The following APPL2 variants were observed in gnomAD, a reference collection of about 807,000 sequenced individuals.
APPL2 encodes the protein adaptor protein, phosphotyrosine interacting with PH domain and leucine zipper 2.
A neutral mutation model predicts 92.7 loss-of-function variants in APPL2; 84 were observed. The observed-to-expected ratio is 0.91, with a 90% CI of 0.76 to 1.09. The LOEUF (loss-of-function observed/expected upper bound fraction) is 1.09. Among genes scored for constraint, APPL2 ranks in the 50% least tolerant of loss-of-function variants. The pLI, the probability that APPL2 is intolerant of heterozygous loss-of-function variation, is 0.00. For missense variants in APPL2, 736 were observed against 824.5 expected (o/e 0.89, Z 1.31); for synonymous variants, 291 against 291.0 (o/e 1.00, Z 0.00).
At position 105,190,011 on chromosome 12, in the gene APPL2, A is replaced by G. The variant is rs1887060419; in HGVS notation, c.1386T>C (p.Leu462=). ...CATACCTGCTCCCTCTGTTCTGATC[A>G]AGGAATTCTGTAGCAGGAAGCACAA... ...FDIVLPATEF[L]DQNRGSRRTN... is the part of the protein sequence containing the mutation. The change falls in exon 15 of 21, where the codon CTT becomes CTC. Residue 462 remains leucine (L), a synonymous_variant. Coordinates refer to ENST00000258530, the MANE Select transcript of APPL2 (RefSeq NM_018171.5). 4 of 1,614,042 alleles carry G rather than the reference A, an allele frequency of 2.5e-6. No individual in the cohort carries two copies.
intron 19 of APPL2, 172 bp from the exon 20 acceptor site, chr12:105,176,254 T>C (rs993154796): frequency 1.7e-6 from 1 of 587,318 alleles, no homozygotes; most frequent in African/African-American, 2.0e-5. Context: ...TGCGTCCAAC[T>C]GTCCTGACCT....
intron 7 of APPL2, among the ~76,000 whole-genome samples, chr12:105,207,409 C>G (rs1209725113): frequency 6.6e-6 from 1 of 152,166 alleles, no homozygotes; most frequent in Non-Finnish European, 1.5e-5. Flanking sequence ...GCTTGTGAGG[C>G]CGCGGTGAGG....
At chr12:105,210,206 C>T (rs1046748963) in intron 5 of APPL2, among the ~76,000 whole-genome samples, 2 of 152,040 alleles carry the variant, frequency 1.3e-5, no homozygotes, top group African/African-American at 2.4e-5. Flanking sequence ...GTGATCCGCC[C>T]GCCTCAGCCT....
chr12:105,203,461 G>C (rs75496623), intron 9 of APPL2: 10,419 of 483,048 alleles, frequency 0.022, 908 homozygotes, highest in African/African-American at 0.19. Context: ...GGGTTCCCAG[G>C]CTTGTGACAT....
chr12:105,219,397 A>G (rs1889931461), intron 2 of APPL2, among the ~76,000 whole-genome samples: 1 of 152,178 alleles, frequency 6.6e-6, no homozygotes, highest in African/African-American at 2.4e-5. Context: ...CTGACATCCT[A>G]CTGGTATTCA....
At position 105,176,089 on chromosome 12, in the gene APPL2, A is replaced by G. The variant is rs1885517437; in HGVS notation, c.1813-7T>C. On this transcript the variant is annotated splice_region_variant and splice_polypyrimidine_tract_variant and intron_variant, in intron 19 of 20. Transcript: ENST00000258530. ...AATTAATAGCATAACATATCTGCAA[A>G]AGACAAGAAAAGTAGTGATTGGCAA... is the stretch of plus-strand genomic sequence containing the variant. The G allele has an allele frequency of 6.3e-7, 1 of 1,589,946 alleles. No individual in the cohort carries two copies. Among genetic ancestry groups the G allele is most frequent in the African/African-American group, 1.4e-5 (1 of 73,420 alleles).
chr12:105,185,097 G>GC (rs1241415912), intron 17 of APPL2, among the ~76,000 whole-genome samples: 1 of 152,090 alleles, frequency 6.6e-6, no homozygotes, highest in African/African-American at 2.4e-5. Flanking sequence ...AATGGCGGAT[G>GC]CCCCTCCCCC....
In APPL2 at chr12:105,190,040, CGAATT is replaced by C; in HGVS notation, c.1352_1356del (p.Gln451ArgfsTer11). 1 of 1,614,184 alleles carries C rather than the reference CGAATT, an allele frequency of 6.2e-7. No individual in the cohort carries two copies. The highest frequency in any genetic ancestry group is 8.5e-7 in the Non-Finnish European group (1 of 1,180,034). ...AATTCTGTAGCAGGAAGCACAATATCGAATTGAATCGGCGTTCCAGGCGCGATCAG... is the reference window on the plus strand; with the variant it reads ...AATTCTGTAGCAGGAAGCACAATATCGAATCGGCGTTCCAGGCGCGATCAG... On this transcript the variant is annotated frameshift_variant, in exon 15 of 21. Coordinates refer to ENST00000258530, the MANE Select transcript of APPL2 (RefSeq NM_018171.5). LOFTEE classifies it high-confidence loss of function.
chr12:105,229,359 T>C (rs1890753490), intron 1 of APPL2, 136 bp from the exon 2 acceptor site: 2 of 909,120 alleles, frequency 2.2e-6, no homozygotes, highest in Non-Finnish European at 3.2e-6. Flanking sequence ...CCCTGGCTTC[T>C]TTTATTGATA....
chr12:105,231,856 C>T (rs1204376922), intron 1 of APPL2, among the ~76,000 whole-genome samples: 1 of 152,310 alleles, frequency 6.6e-6, no homozygotes, highest in East Asian at 1.9e-4. Flanking sequence ...AACCAGCTAC[C>T]TTGGACACTG....
intron 9 of APPL2, 59 bp from the exon 10 acceptor site, chr12:105,199,590 A>C: frequency 2.6e-6 from 4 of 1,550,012 alleles, no homozygotes; most frequent in Non-Finnish European, 3.5e-6. Flanking sequence ...CACTACTAAG[A>C]AGCCACTGGC....
chr12:105,196,504 C>T (rs1260673746), intron 11 of APPL2, among the ~76,000 whole-genome samples: 1 of 132,624 alleles, frequency 7.5e-6, no homozygotes, highest in Non-Finnish European at 1.6e-5. Context: ...GGTGTGATCT[C>T]GGCTCACCAC....
At chr12:105,213,016 A>G (rs1203787357) in intron 4 of APPL2, among the ~76,000 whole-genome samples, 1 of 152,260 alleles carries the variant, frequency 6.6e-6, no homozygotes, top group Non-Finnish European at 1.5e-5. Flanking sequence ...CTTTTCCAGA[A>G]TAACTTCTAT....
intron 1 of APPL2, among the ~76,000 whole-genome samples, chr12:105,235,697 C>T (rs1891183597): frequency 6.6e-6 from 1 of 151,526 alleles, no homozygotes; most frequent in African/African-American, 2.4e-5. Flanking sequence ...GACTCAGTTG[C>T]AGCTGAGCTT....
At chr12:105,185,831 T>C (rs1459416463) in intron 17 of APPL2, among the ~76,000 whole-genome samples, 1 of 152,198 alleles carries the variant, frequency 6.6e-6, no homozygotes, top group Admixed American at 6.5e-5. Context: ...TTATCATTAG[T>C]GATGTTAAGT....
chr12:105,203,824 G>C (rs1432609822), intron 8 of APPL2, 39 bp from the exon 9 acceptor site: 1 of 1,574,864 alleles, frequency 6.3e-7, no homozygotes, highest in Non-Finnish European at 8.7e-7. Flanking sequence ...AATCATCCAG[G>C]GAAGTGATCA....
chr12:105,214,148 T>C lies in APPL2; in HGVS notation c.286-2831A>G, dbSNP rs78505206. ...TTGCGGTGAGCCAAGATCGTGCCAT[T>C]GCACTCCAGCCTGGGCAATAAGAGC... On this transcript the variant is annotated intron_variant, in intron 4 of 20. Coordinates refer to ENST00000258530, the MANE Select transcript of APPL2 (RefSeq NM_018171.5). 1.7e-3 allele frequency among the ~76,000 whole-genome samples: 259 copies of C among 152,268 alleles called. 9 individuals are homozygous for C. In the East Asian group the frequency reaches 0.041, roughly 24 times the overall value.
intron 19 of APPL2, 135 bp from the exon 20 acceptor site, chr12:105,176,217 G>C: frequency 1.4e-6 from 1 of 731,396 alleles, no homozygotes; most frequent in Non-Finnish European, 2.2e-6. Context: ...GGCTGCAGGA[G>C]ACTCATCACA....
intron 11 of APPL2, among the ~76,000 whole-genome samples, chr12:105,197,560 A>G (rs1887769509): frequency 6.6e-6 from 1 of 152,144 alleles, no homozygotes; most frequent in Admixed American, 6.5e-5. Context: ...ACTTATCTCC[A>G]TATGGGATAA....
Sources: gnomAD v4.1 joint callset for allele counts (sites outside exome capture counted in the v4.1 genomes callset) on GRCh38, gnomAD v4.1.1 for gene constraint, MANE v1.5 for transcripts, NCBI Gene and HGNC (gene_info 2026-07-23, HGNC 2026-07-21) for gene names.